AGBL1: variants seen among roughly 807,000 people sequenced by gnomAD.
The protein encoded by AGBL1 is cytosolic carboxypeptidase 4.
Under a neutral mutation model 118.9 loss-of-function variants are expected in AGBL1, and 130 were observed. That is an observed-to-expected ratio of 1.09 (90% CI 0.95 to 1.26). The LOEUF (loss-of-function observed/expected upper bound fraction) is 1.26. Among genes scored for constraint, AGBL1 ranks in the 50% most tolerant of loss-of-function variants. The pLI, the probability that AGBL1 is intolerant of heterozygous loss-of-function variation, is 0.00. For synonymous variants in AGBL1, 555 were observed against 478.9 expected, an observed-to-expected ratio of 1.16 and a Z score of -2.08; for missense variants, 1,584 against 1,298.1, an observed-to-expected ratio of 1.22 and a Z score of -3.38.
Position 86,176,650 on chromosome 15 carries a change from G to A in AGBL1, c.488+17624G>A, listed in dbSNP as rs375895269. The stretch of plus-strand genomic sequence containing the variant: ...GGCTCCATGGATGTGGAAATTCAGG[G>A]GCTGTTGGGCCCCAGGGCAGGATAT... On this transcript the variant is annotated intron_variant, in intron 5 of 22. Coordinates refer to ENST00000614907, the MANE Select transcript of AGBL1 (RefSeq NM_001386094.1). Among the ~76,000 whole-genome samples the A allele has an allele frequency of 9.9e-5, 15 of 152,272 alleles. No homozygotes were observed. The East Asian group carries it at 2.5e-3, about 26-fold the overall frequency.
chr15:86,664,312 A>G (rs1273310134), intron 21 of AGBL1, among the ~76,000 whole-genome samples: 1 of 152,204 alleles, frequency 6.6e-6, no homozygotes, highest in African/African-American at 2.4e-5. Context: ...TGGAGAAGCC[A>G]CAGAGCCCAT....
At chr15:86,547,538 T>A (rs1222310984) in intron 20 of AGBL1, among the ~76,000 whole-genome samples, 2 of 152,190 alleles carry the variant, frequency 1.3e-5, no homozygotes, top group Non-Finnish European at 2.9e-5. Context: ...TTAATTTTTG[T>A]GAATAATTCA....
intron 22 of AGBL1, among the ~76,000 whole-genome samples, chr15:86,676,285 G>T (rs1026147045): frequency 6.6e-6 from 1 of 152,100 alleles, no homozygotes; most frequent in East Asian, 1.9e-4. Context: ...CATTTGTATG[G>T]TAATATATTT....
intron 18 of AGBL1, among the ~76,000 whole-genome samples, chr15:86,517,870 C>T (rs2083141163): frequency 6.6e-6 from 1 of 152,148 alleles, no homozygotes; most frequent in Non-Finnish European, 1.5e-5. Context: ...CCGATAGTCC[C>T]CCATGCTCTT....
intron 23 of AGBL1, among the ~76,000 whole-genome samples, chr15:86,946,860 A>AC (rs1221524867): frequency 2.0e-5 from 3 of 148,622 alleles, no homozygotes; most frequent in East Asian, 4.0e-4. Context: ...AAAAAAAAAA[A>AC]ACAAAATAGA....
intron 7 of AGBL1, among the ~76,000 whole-genome samples, chr15:86,255,981 C>G (rs992083259): frequency 1.3e-5 from 2 of 152,216 alleles, no homozygotes; most frequent in Non-Finnish European, 2.9e-5. Flanking sequence ...ACCATCTCCA[C>G]TTCTGTGACT....
chr15:86,717,646 G>C (rs1402896762), intron 22 of AGBL1, among the ~76,000 whole-genome samples: 1 of 152,166 alleles, frequency 6.6e-6, no homozygotes, highest in Non-Finnish European at 1.5e-5. Context: ...CAAAGGCTTG[G>C]CTCCCTGGAA....
chr15:86,820,067 G>A (rs1052210536), intron 22 of AGBL1, among the ~76,000 whole-genome samples: 1 of 152,150 alleles, frequency 6.6e-6, no homozygotes, highest in Non-Finnish European at 1.5e-5. Flanking sequence ...AATAAATGGT[G>A]TTGGGAAAAC....
chr15:86,509,030 C>T (rs533682940), intron 18 of AGBL1, among the ~76,000 whole-genome samples: 11 of 152,138 alleles, frequency 7.2e-5, no homozygotes, highest in African/African-American at 2.2e-4. Context: ...CAGGCTTGTT[C>T]GTCATCTGAT....
intron 22 of AGBL1, among the ~76,000 whole-genome samples, chr15:86,888,790 T>G (rs575868475): frequency 4.6e-5 from 7 of 152,268 alleles, no homozygotes; most frequent in African/African-American, 1.7e-4. Flanking sequence ...TGAGCCATTA[T>G]GAGTCAAAAC....
At chr15:86,147,791 C>G (rs1046311862) in intron 3 of AGBL1, among the ~76,000 whole-genome samples, 1 of 152,238 alleles carries the variant, frequency 6.6e-6, no homozygotes, top group African/African-American at 2.4e-5. Context: ...TGAGAACAGA[C>G]AGACTGCCTC....
At chr15:86,642,088 A>G (rs984935574) in intron 21 of AGBL1, among the ~76,000 whole-genome samples, 24 of 152,216 alleles carry the variant, frequency 1.6e-4, no homozygotes, top group African/African-American at 5.1e-4. Context: ...ATGTCCACAA[A>G]TAATCTTTTG....
chr15:86,295,539 AC>A, intron 17 of AGBL1, 131 bp downstream of exon 17: 4 of 877,260 alleles, frequency 4.6e-6, no homozygotes, highest in South Asian at 2.6e-5. Flanking sequence ...GTAGAAATAC[AC>A]CCCCAGCTTT....
intron 17 of AGBL1, among the ~76,000 whole-genome samples, chr15:86,363,208 T>A (rs1213357298): frequency 2.6e-5 from 4 of 152,198 alleles, no homozygotes; most frequent in Middle Eastern, 3.4e-3. Context: ...AAAGGCACTT[T>A]TGTCTGCGGG....
At chr15:86,149,853 C>T (rs1414613527) in intron 3 of AGBL1, among the ~76,000 whole-genome samples, 1 of 152,176 alleles carries the variant, frequency 6.6e-6, no homozygotes, top group Non-Finnish European at 1.5e-5. Context: ...CACATTTATT[C>T]TAAAATAGAC....
At chr15:86,870,483 A>AAAAAAAAAAAAAAAAAAAAAAAAAAAC (rs2079709568) in intron 22 of AGBL1, among the ~76,000 whole-genome samples, 1 of 140,294 alleles carries the variant, frequency 7.1e-6, no homozygotes, top group Non-Finnish European at 1.6e-5. Flanking sequence ...AAAAAAAAAA[A>AAAAAAAAAAAAAAAAAAAAAAAAAAAC]AAAAAAAAAA....
rs1281205699 is a variant in AGBL1, at chr15:86,269,976, G to T, written c.1896G>T (p.Trp632Cys). The T allele has an allele frequency of 6.2e-7, 1 of 1,613,904 alleles. No homozygotes were observed. Among genetic ancestry groups the T allele is most frequent in the Admixed American group, 1.7e-5 (1 of 60,022 alleles). ...ADVNSTQHQQ[W>C]FYFKVSGMQA... ...TGAATAGCACCCAGCACCAGCAGTG[G>T]TTCTATTTCAAAGTGAGCGGTATGC... The change falls in exon 14 of 23, where the codon TGG becomes TGT. Residue 632 changes from tryptophan to cysteine, a missense_variant. Coordinates refer to ENST00000614907, the MANE Select transcript of AGBL1 (RefSeq NM_001386094.1).
At chr15:86,656,302 T>C (rs918342060) in intron 21 of AGBL1, among the ~76,000 whole-genome samples, 3 of 152,224 alleles carry the variant, frequency 2.0e-5, no homozygotes, top group Non-Finnish European at 4.4e-5. Context: ...TCTCTTAATT[T>C]GAGCAGAACT....
intron 1 of AGBL1, among the ~76,000 whole-genome samples, chr15:86,094,648 A>G (rs1015006971): frequency 3.9e-5 from 6 of 152,170 alleles, no homozygotes; most frequent in African/African-American, 1.4e-4. Flanking sequence ...ATCTAATCCT[A>G]CAGCAAAGGG....
Sources: allele counts gnomAD v4.1 joint callset (sites outside exome capture counted in the v4.1 genomes callset), GRCh38; gene constraint gnomAD v4.1.1; transcripts MANE v1.5; gene names NCBI Gene and HGNC (gene_info 2026-07-23, HGNC 2026-07-21).